The following TCF7L1 variants were observed in gnomAD, a reference collection of about 807,000 sequenced individuals.
The protein encoded by TCF7L1 is transcription factor 7-like 1.
A neutral mutation model predicts 63.7 loss-of-function variants in TCF7L1; 18 were observed. The observed-to-expected ratio is 0.28, with a 90% CI of 0.20 to 0.42. The LOEUF is 0.42. TCF7L1 is among the 10% of genes least tolerant of loss of function. The pLI is 1.00. For synonymous variants in TCF7L1, 355 were observed against 340.9 expected (o/e 1.04, Z -0.46); for missense variants, 654 against 779.3 (o/e 0.84, Z 1.91).
intron 3 of TCF7L1, among the ~76,000 whole-genome samples, chr2:85,263,854 G>A (rs572954808): frequency 7.2e-5 from 11 of 152,346 alleles, no homozygotes; most frequent in African/African-American, 2.2e-4. Flanking sequence ...TCTGAGGAGC[G>A]GCTGGAGGAG....
chr2:85,226,595 C>T lies in TCF7L1; in HGVS notation c.442-56900C>T, dbSNP rs544193208. Among the ~76,000 whole-genome samples, 3 of 147,144 alleles carry T rather than the reference C, an allele frequency of 2.0e-5. No homozygotes were observed. The South Asian group carries it at 6.4e-4, about 32-fold the overall frequency. ...AGTAGCTTCCTCTCCCAACTTTATT[C>T]TCTTAGTTCCCATTCTCCTAATCAC... On this transcript the variant is annotated intron_variant, in intron 3 of 11. Coordinates refer to ENST00000282111, the MANE Select transcript of TCF7L1 (RefSeq NM_031283.3).
Position 85,182,319 on chromosome 2 carries a change from G to C in TCF7L1, c.441+47869G>C, listed in dbSNP as rs77405844. On this transcript the variant is annotated intron_variant, in intron 3 of 11. Coordinates refer to ENST00000282111, the MANE Select transcript of TCF7L1 (RefSeq NM_031283.3). ...ACTCACTCTCTGTGAGTTAAGGCCA[G>C]ATGCAGGCTTCAGACACCTTTAACT... is the stretch of plus-strand genomic sequence containing the variant. Among the ~76,000 whole-genome samples, 1,360 of 152,290 alleles carry C rather than the reference G, an allele frequency of 8.9e-3. 86 individuals are homozygous for C. The East Asian group carries it at 0.17, about 19-fold the overall frequency.
intron 3 of TCF7L1, among the ~76,000 whole-genome samples, chr2:85,143,040 C>G (rs1246145977): frequency 6.6e-6 from 1 of 152,156 alleles, no homozygotes; most frequent in Non-Finnish European, 1.5e-5. Flanking sequence ...AAAATGTTTT[C>G]CTAAACATAG....
chr2:85,203,863 G>A (rs535533682), intron 3 of TCF7L1, among the ~76,000 whole-genome samples: 29 of 152,000 alleles, frequency 1.9e-4, no homozygotes, highest in Non-Finnish European at 3.1e-4. Context: ...TATTGAAAAC[G>A]ATGTTGAAGC....
intron 3 of TCF7L1, among the ~76,000 whole-genome samples, chr2:85,148,554 A>G (rs561023001): frequency 2.0e-5 from 3 of 152,290 alleles, no homozygotes; most frequent in African/African-American, 7.2e-5. Context: ...TTTGAGAAGC[A>G]CTGAAGTAAC....
At chr2:85,304,099 C>A in intron 6 of TCF7L1, 102 bp downstream of exon 6, 3 of 1,195,884 alleles carry the variant, frequency 2.5e-6, no homozygotes, top group South Asian at 2.7e-5. Flanking sequence ...CAGAGGCAAG[C>A]CCAGGACTAG....
At chr2:85,226,814 GC>G (rs1679964986) in intron 3 of TCF7L1, among the ~76,000 whole-genome samples, 1 of 136,882 alleles carries the variant, frequency 7.3e-6, no homozygotes, top group African/African-American at 3.0e-5. Context: ...ATCTCCCCCC[GC>G]CTTTTTTTTT....
rs1679070181 is a variant in TCF7L1, at chr2:85,192,985, G to A, written c.441+58535G>A. 1.3e-5 allele frequency among the ~76,000 whole-genome samples: 2 copies of A among 152,018 alleles called. 1 individual carries two copies. The highest frequency in any genetic ancestry group is 4.2e-4 in the South Asian group (2 of 4,816). On this transcript the variant is annotated intron_variant, in intron 3 of 11. Coordinates refer to ENST00000282111, the MANE Select transcript of TCF7L1 (RefSeq NM_031283.3). ...ATTACAGGCATAAGCCACTGTGCCC[G>A]CTCTGTCTTATCTAACTGGGTAATC... is the stretch of plus-strand genomic sequence containing the variant.
chr2:85,140,796 G>A (rs927858260), intron 3 of TCF7L1, among the ~76,000 whole-genome samples: 1 of 152,174 alleles, frequency 6.6e-6, no homozygotes, highest in Non-Finnish European at 1.5e-5. Flanking sequence ...GGGAGGCAGA[G>A]GTTGCAGTGA....
rs150537132 is a variant in TCF7L1, at chr2:85,309,603, C to T, written c.*141C>T. ...AGTGGCTGGTAACAACAGCACTTTA[C>T]AGTTTGTAGATGTAACCAGTAGCTG... On this transcript the variant is annotated 3_prime_UTR_variant, in exon 12 of 12. Transcript: ENST00000282111. The T allele has an allele frequency of 0.01, 7,766 of 759,234 alleles. 64 individuals carry two copies. The highest frequency in any genetic ancestry group is 0.038 in the Middle Eastern group (104 of 2,760). The allele number at this position is 759,234 out of a possible 1,614,324, so 47.0% of individuals were successfully genotyped here.
intron 3 of TCF7L1, among the ~76,000 whole-genome samples, chr2:85,238,400 A>T (rs6547601): frequency 6.6e-6 from 1 of 152,204 alleles, no homozygotes; most frequent in South Asian, 2.1e-4. Flanking sequence ...CAGCTGCCTT[A>T]TCTGCAAGGA....
intron 3 of TCF7L1, among the ~76,000 whole-genome samples, chr2:85,246,746 C>G (rs1020295292): frequency 2.0e-5 from 3 of 149,896 alleles, no homozygotes; most frequent in African/African-American, 7.3e-5. Context: ...TAAGGACTCT[C>G]AAGCATTTCT....
At chr2:85,279,442 C>T (rs1210696995) in intron 3 of TCF7L1, among the ~76,000 whole-genome samples, 1 of 152,126 alleles carries the variant, frequency 6.6e-6, no homozygotes, top group East Asian at 1.9e-4. Flanking sequence ...ACTTTATTTC[C>T]ACTCTAGTTG....
Position 85,190,041 on chromosome 2 carries a change from A to G in TCF7L1, c.441+55591A>G, listed in dbSNP as rs114196618. ...GGGCTTATCTTTGGTCCTGACCTTCAGCTTTTATCTTTGTGTACACCTCTT... is the reference window on the plus strand; with the variant it reads ...GGGCTTATCTTTGGTCCTGACCTTCGGCTTTTATCTTTGTGTACACCTCTT... On this transcript the variant is annotated intron_variant, in intron 3 of 11. Coordinates refer to ENST00000282111, the MANE Select transcript of TCF7L1 (RefSeq NM_031283.3). 4.3e-3 allele frequency among the ~76,000 whole-genome samples: 659 copies of G among 152,298 alleles called. 2 individuals are homozygous for G. Among genetic ancestry groups the G allele is most frequent in the Non-Finnish European group, 6.6e-3 (449 of 68,024 alleles).
chr2:85,134,756 T>TG lies in TCF7L1; in HGVS notation c.441+313dup, dbSNP rs555305276. On this transcript the variant is annotated intron_variant, in intron 3 of 11. Transcript: ENST00000282111. This position sits in a 1 kb window ranked among gnomAD's most constrained non-coding sequence, Gnocchi z 5.0. ...AGGAAACTTGGATTTGTGCCCGCTT[T>TG]GGGGGGGTCTCGCTTTCCTTCTTGG... 5.7e-4 allele frequency among the ~76,000 whole-genome samples: 87 copies of TG among 152,246 alleles called. No homozygotes were observed. The highest frequency in any genetic ancestry group is 6.8e-4 in the Non-Finnish European group (46 of 68,016).
At chr2:85,139,355 T>A (rs1677666163) in intron 3 of TCF7L1, among the ~76,000 whole-genome samples, 1 of 152,198 alleles carries the variant, frequency 6.6e-6, no homozygotes, top group African/African-American at 2.4e-5. Flanking sequence ...CTTCTTCAAC[T>A]GAAGTCTATT....
At chr2:85,143,359 T>G (rs1176886768) in intron 3 of TCF7L1, among the ~76,000 whole-genome samples, 1 of 152,196 alleles carries the variant, frequency 6.6e-6, no homozygotes, top group East Asian at 1.9e-4. Flanking sequence ...CCCACCACAT[T>G]ATGATTTTGT....
chr2:85,266,736 T>C (rs1263288864), intron 3 of TCF7L1, among the ~76,000 whole-genome samples: 1 of 152,282 alleles, frequency 6.6e-6, no homozygotes, highest in Non-Finnish European at 1.5e-5. Flanking sequence ...ACAAGTATTC[T>C]TTTGTTGTGT....
At chr2:85,177,828 T>C (rs2104245539) in intron 3 of TCF7L1, among the ~76,000 whole-genome samples, 1 of 152,364 alleles carries the variant, frequency 6.6e-6, no homozygotes, top group Non-Finnish European at 1.5e-5. Flanking sequence ...TTTATATAGT[T>C]AAAATCAAAG....
Sources: allele counts gnomAD v4.1 joint callset (sites outside exome capture counted in the v4.1 genomes callset), GRCh38; gene constraint gnomAD v4.1.1; non-coding constraint Gnocchi (gnomAD v3.1); transcripts MANE v1.5; gene names NCBI Gene and HGNC (gene_info 2026-07-23, HGNC 2026-07-21).